TRPM5: variants seen among roughly 807,000 people sequenced by gnomAD.
The protein encoded by TRPM5 is transient receptor potential cation channel subfamily M member 5, also known as MLSN1 and TRP-related.
TRPM5 carries 121 observed loss-of-function variants against 124.9 expected under a neutral mutation model. The ratio of observed to expected loss-of-function variants is 0.97; its 90% CI spans 0.84 to 1.13. TRPM5 has a LOEUF of 1.13. TRPM5 is among the 50% of genes most tolerant of loss of function. The pLI, the probability that TRPM5 is intolerant of heterozygous loss-of-function variation, is 0.00. For missense variants in TRPM5, 1,643 were observed against 1,589.1 expected (o/e 1.03, Z -0.58); for synonymous variants, 781 against 700.5 (o/e 1.11, Z -1.81).
the TRPM5 span, among the ~76,000 whole-genome samples, chr11:2,435,581 G>GTCTGTCCA: frequency 6.7e-6 from 1 of 149,994 alleles, no homozygotes; most frequent in Non-Finnish European, 1.5e-5. The surrounding 1 kb of genome is among the most constrained non-coding windows in gnomAD (Gnocchi z 4.1). Context: ...CCATCTGTCT[G>GTCTGTCCA]TCCATCCATC....
chr11:2,438,250 G>A, the TRPM5 span, among the ~76,000 whole-genome samples: 5 of 152,092 alleles, frequency 3.3e-5, no homozygotes, highest in Admixed American at 3.3e-4. This position sits in a 1 kb window ranked among gnomAD's most constrained non-coding sequence, Gnocchi z 5.9. Context: ...GCAAAAGCTG[G>A]CAAAAGCATT....
the TRPM5 span, among the ~76,000 whole-genome samples, chr11:2,441,581 G>C: frequency 6.6e-6 from 1 of 152,122 alleles, no homozygotes. The surrounding 1 kb of genome is among the most constrained non-coding windows in gnomAD (Gnocchi z 7.2). Context: ...TCCTGCCTCA[G>C]TGTCCCCAAG....
At chr11:2,431,094 G>A in the TRPM5 span, among the ~76,000 whole-genome samples, 1 of 152,146 alleles carries the variant, frequency 6.6e-6, no homozygotes, top group Non-Finnish European at 1.5e-5. Context: ...GGGCTGCTCT[G>A]TAAATGTCCC....
At chr11:2,418,759 T>C (rs930740227) in intron 4 of TRPM5, among the ~76,000 whole-genome samples, 168 bp from the exon 10 acceptor site, 2 of 152,158 alleles carry the variant, frequency 1.3e-5, no homozygotes, top group Non-Finnish European at 2.9e-5. Context: ...GCCCCTGCCA[T>C]ATGAGGGCCG....
At chr11:2,415,203 A>G (rs1774085247) in exon 9 of TRPM5, 1 of 1,582,338 alleles carries the variant, frequency 6.3e-7, no homozygotes, top group Admixed American at 1.8e-5. Flanking sequence ...TACGCGGGAG[A>G]CCTCGTGCAG....
At chr11:2,438,937 G>T in the TRPM5 span, among the ~76,000 whole-genome samples, 1 of 152,106 alleles carries the variant, frequency 6.6e-6, no homozygotes, top group African/African-American at 2.4e-5. The surrounding 1 kb of genome is among the most constrained non-coding windows in gnomAD (Gnocchi z 5.9). Flanking sequence ...AATGTTCAAG[G>T]CGACTATAAC....
chr11:2,415,316 G>T, exon 9 of TRPM5: 2 of 1,584,844 alleles, frequency 1.3e-6, no homozygotes, highest in Non-Finnish European at 1.7e-6. Context: ...GCAGGTCGAA[G>T]AGCAGGCTCT....
chr11:2,414,009 G>GGGCGGCCCCCCCCC, intron 12 of TRPM5, 52 bp downstream of exon 17: 3 of 1,023,732 alleles, frequency 2.9e-6, no homozygotes, highest in Non-Finnish European at 4.3e-6. Flanking sequence ...GGCCCAGCTC[G>GGGCGGCCCCCCCCC]CCCGCCCACC....
intron 18 of TRPM5, 117 bp from the exon 24 acceptor site, chr11:2,408,029 G>A: frequency 7.4e-7 from 1 of 1,352,478 alleles, no homozygotes; most frequent in Middle Eastern, 2.7e-4. Flanking sequence ...ACGGGGTGCT[G>A]GTTGGGTGAC....
At position 2,416,534 on chromosome 11, in the gene TRPM5, C is replaced by T. The variant is rs543539989; in HGVS notation, c.1010-510G>A. Among the ~76,000 whole-genome samples the T allele has an allele frequency of 3.3e-5, 5 of 152,348 alleles. No homozygotes were observed. In the East Asian group the frequency reaches 9.7e-4, roughly 29 times the overall value. On this transcript the variant is annotated intron_variant, in intron 7 of 23. Coordinates refer to ENST00000155858, the Ensembl canonical transcript of TRPM5. ...CGTGAGGCTCACCAGCCTCAGCCTC[C>T]ACAACCATGGACCCCGTAAGACTAC...
upstream of TRPM5, chr11:2,423,064 C>G: frequency 1.3e-6 from 2 of 1,585,794 alleles, no homozygotes; most frequent in Non-Finnish European, 1.7e-6. Flanking sequence ...CAGGGATACC[C>G]TGGCCCTTGA....
At chr11:2,405,493 C>T (rs773851133) in intron 23 of TRPM5, 34 bp downstream of exon 28, 41 of 1,545,424 alleles carry the variant, frequency 2.7e-5, no homozygotes, top group Admixed American at 3.9e-5. Flanking sequence ...GTGCCCATGC[C>T]CACCCTCATC....
chr11:2,407,198 G>A, exon 20 of TRPM5: 2 of 1,611,048 alleles, frequency 1.2e-6, no homozygotes, highest in Non-Finnish European at 1.7e-6. Flanking sequence ...GCAGGATGAA[G>A]GGCGGGGCCA....
At chr11:2,421,079 C>T in exon 3 of TRPM5, 1 of 1,549,756 alleles carries the variant, frequency 6.5e-7, no homozygotes, top group Non-Finnish European at 8.7e-7. Flanking sequence ...CCCAGCGAGG[C>T]CATGCCGACA....
At chr11:2,414,263 G>A (rs1202030424) in intron 11 of TRPM5, 57 bp from the exon 17 acceptor site, 34 of 1,552,264 alleles carry the variant, frequency 2.2e-5, no homozygotes, top group Admixed American at 3.7e-5. Context: ...CCCGGCCCCC[G>A]ACGCCCCTCC....
chr11:2,435,139 C>T, the TRPM5 span, among the ~76,000 whole-genome samples: 1 of 152,064 alleles, frequency 6.6e-6, no homozygotes, highest in Non-Finnish European at 1.5e-5. The surrounding 1 kb of genome is among the most constrained non-coding windows in gnomAD (Gnocchi z 4.1). Flanking sequence ...GTGCCAGGCA[C>T]TGTGTCAGGG....
chr11:2,407,894 G>A (rs78068524), exon 19 of TRPM5: 1 of 1,613,816 alleles, frequency 6.2e-7, no homozygotes, highest in African/African-American at 1.3e-5. Flanking sequence ...TGGGTGGGTG[G>A]AGCAGTTCAC....
chr11:2,435,911 G>C, the TRPM5 span, among the ~76,000 whole-genome samples: 2 of 152,222 alleles, frequency 1.3e-5, no homozygotes, highest in African/African-American at 4.8e-5. This position sits in a 1 kb window ranked among gnomAD's most constrained non-coding sequence, Gnocchi z 4.1. Flanking sequence ...TCTGGTCTCA[G>C]GATGCCCACA....
chr11:2,433,097 A>G, the TRPM5 span, among the ~76,000 whole-genome samples: 2 of 152,240 alleles, frequency 1.3e-5, no homozygotes, highest in Non-Finnish European at 2.9e-5. Flanking sequence ...TCTCGGCACC[A>G]TCCTTGCAGC....
Sources: allele counts gnomAD v4.1 joint callset (sites outside exome capture counted in the v4.1 genomes callset), GRCh38; gene constraint gnomAD v4.1.1; non-coding constraint Gnocchi (gnomAD v3.1); transcripts MANE v1.5; gene names NCBI Gene and HGNC (gene_info 2026-07-23, HGNC 2026-07-21).